The following AGBL4 variants were observed in gnomAD, a reference collection of about 807,000 sequenced individuals.
AGBL4 encodes the protein cytosolic carboxypeptidase 6.
A neutral mutation model predicts 66.4 loss-of-function variants in AGBL4; 58 were observed. The observed-to-expected ratio is 0.87, with a 90% CI of 0.71 to 1.09. The LOEUF is 1.09. AGBL4 is among the 50% of genes least tolerant of loss of function. AGBL4 has a pLI of 0.00. For synonymous variants in AGBL4, 234 were observed against 222.9 expected (o/e 1.05, Z -0.44); for missense variants, 579 against 631.0 (o/e 0.92, Z 0.88).
At chr1:49,171,467 C>T (rs1434102076) in intron 4 of AGBL4, among the ~76,000 whole-genome samples, 1 of 152,058 alleles carries the variant, frequency 6.6e-6, no homozygotes, top group Admixed American at 6.6e-5. Context: ...AGAGTAGAAA[C>T]AGATTAACAT....
intron 5 of AGBL4, among the ~76,000 whole-genome samples, chr1:48,978,887 T>G (rs1201349877): frequency 6.6e-6 from 1 of 152,130 alleles, no homozygotes; most frequent in Non-Finnish European, 1.5e-5. Context: ...GTTTTTCTTT[T>G]GAGAACAAAG....
chr1:48,963,447 AT>A (rs1368808903), intron 5 of AGBL4, among the ~76,000 whole-genome samples: 1 of 152,166 alleles, frequency 6.6e-6, no homozygotes, highest in African/African-American at 2.4e-5. Context: ...AACACAGATA[AT>A]TAATCCATTA....
At chr1:50,004,963 A>T (rs951954712) in intron 1 of AGBL4, among the ~76,000 whole-genome samples, 1 of 152,108 alleles carries the variant, frequency 6.6e-6, no homozygotes, top group African/African-American at 2.4e-5. Context: ...GGACTCTTGG[A>T]ATATGCAATT....
At chr1:48,676,818 G>A (rs988628172) in intron 6 of AGBL4, among the ~76,000 whole-genome samples, 1 of 152,140 alleles carries the variant, frequency 6.6e-6, no homozygotes, top group African/African-American at 2.4e-5. Context: ...TAAAAATACT[G>A]ATGCCCAGAA....
At chr1:49,378,710 G>C (rs993953268) in intron 3 of AGBL4, among the ~76,000 whole-genome samples, 10 of 152,088 alleles carry the variant, frequency 6.6e-5, no homozygotes, top group South Asian at 2.1e-4. Context: ...AGAAAGGAAG[G>C]CTTCTGTAGG....
At chr1:49,239,077 T>G (rs982520088) in intron 4 of AGBL4, among the ~76,000 whole-genome samples, 3 of 152,178 alleles carry the variant, frequency 2.0e-5, no homozygotes, top group Non-Finnish European at 4.4e-5. Context: ...TTACCTTTTC[T>G]TTTTAATGCA....
chr1:49,993,234 T>C (rs1660099035), intron 1 of AGBL4, among the ~76,000 whole-genome samples: 1 of 152,264 alleles, frequency 6.6e-6, no homozygotes, highest in African/African-American at 2.4e-5. Flanking sequence ...ATGTGGTTAC[T>C]AGCAAATTTA....
chr1:49,757,388 T>C (rs1277954769), intron 2 of AGBL4, among the ~76,000 whole-genome samples: 5 of 152,176 alleles, frequency 3.3e-5, no homozygotes, highest in South Asian at 4.1e-4. Flanking sequence ...GAAATGTGCA[T>C]GTGACTTTAG....
At chr1:48,743,562 C>G (rs1331964350) in intron 6 of AGBL4, among the ~76,000 whole-genome samples, 1 of 152,174 alleles carries the variant, frequency 6.6e-6, no homozygotes, top group East Asian at 1.9e-4. Context: ...AGAACAACTT[C>G]AAAGGCCCAC....
intron 12 of AGBL4, among the ~76,000 whole-genome samples, chr1:48,538,497 C>A (rs145680421): frequency 8.8e-4 from 134 of 152,304 alleles, no homozygotes; most frequent in African/African-American, 3.1e-3. Context: ...TGAACCCATG[C>A]TGATGAACTT....
chr1:48,658,575 C>T (rs748323459), intron 7 of AGBL4, among the ~76,000 whole-genome samples: 6 of 152,142 alleles, frequency 3.9e-5, no homozygotes, highest in African/African-American at 9.7e-5. Flanking sequence ...CACCCTCCTG[C>T]CCCCAACTCT....
At chr1:48,804,078 G>T (rs987710248) in intron 6 of AGBL4, among the ~76,000 whole-genome samples, 1 of 152,158 alleles carries the variant, frequency 6.6e-6, no homozygotes, top group Non-Finnish European at 1.5e-5. Context: ...GCCCAGAGTA[G>T]AAGCTCACAA....
intron 6 of AGBL4, among the ~76,000 whole-genome samples, chr1:48,752,158 T>C (rs17374740): frequency 0.024 from 3,690 of 152,278 alleles, 58 homozygotes; most frequent in Non-Finnish European, 0.037. Context: ...AACATCTAAC[T>C]AGACAAAATG....
chr1:49,513,063 C>T lies in AGBL4; in HGVS notation c.282+184250G>A, dbSNP rs557155057. ...AGAGAAACTTGAAGAAGATAAATGACTAATGTCAGACAAACAGCAGTCACA... is the reference window on the plus strand; with the variant it reads ...AGAGAAACTTGAAGAAGATAAATGATTAATGTCAGACAAACAGCAGTCACA... On this transcript the variant is annotated intron_variant, in intron 3 of 13. Coordinates refer to ENST00000371839, the MANE Select transcript of AGBL4 (RefSeq NM_032785.4). Among the ~76,000 whole-genome samples, 20 of 152,100 alleles carry T rather than the reference C, an allele frequency of 1.3e-4. 1 individual carries two copies. The South Asian group carries it at 3.9e-3, about 30-fold the overall frequency.
intron 3 of AGBL4, among the ~76,000 whole-genome samples, chr1:49,602,259 G>A (rs1042998328): frequency 6.6e-6 from 1 of 152,144 alleles, no homozygotes; most frequent in Admixed American, 6.5e-5. Context: ...GTGTCAATTA[G>A]TTCAACCATT....
At chr1:49,703,162 T>C (rs1647132665) in intron 2 of AGBL4, among the ~76,000 whole-genome samples, 1 of 151,244 alleles carries the variant, frequency 6.6e-6, no homozygotes, top group African/African-American at 2.4e-5. Context: ...GCAGATGACA[T>C]AATTTTTATG....
chr1:49,734,423 G>A (rs1057044879), intron 2 of AGBL4, among the ~76,000 whole-genome samples: 20 of 151,938 alleles, frequency 1.3e-4, no homozygotes, highest in Admixed American at 1.2e-3. Flanking sequence ...GAAAAAGTAC[G>A]GAGACTAATA....
intron 4 of AGBL4, among the ~76,000 whole-genome samples, chr1:49,152,553 T>C (rs1443745410): frequency 2.6e-5 from 4 of 152,228 alleles, no homozygotes; most frequent in Non-Finnish European, 4.4e-5. Flanking sequence ...GAGGTAAAGA[T>C]GACAACCCCA....
chr1:49,253,226 C>T (rs1652210122), intron 3 of AGBL4, among the ~76,000 whole-genome samples: 1 of 151,806 alleles, frequency 6.6e-6, no homozygotes, highest in African/African-American at 2.4e-5. Context: ...ACCAAGCAAA[C>T]AAAAAACAGA....
Sources: allele counts gnomAD v4.1 joint callset (sites outside exome capture counted in the v4.1 genomes callset), GRCh38; gene constraint gnomAD v4.1.1; transcripts MANE v1.5; gene names NCBI Gene and HGNC (gene_info 2026-07-23, HGNC 2026-07-21).